SCARB1: variants seen among roughly 807,000 people sequenced by gnomAD.
SCARB1 encodes scavenger receptor class B member 1, also known as CD36 and LIMPII analogous 1.
In SCARB1, 30 loss-of-function variants were observed where a neutral mutation model predicts 57.2. That is an observed-to-expected ratio of 0.52 (90% CI 0.39 to 0.71). The LOEUF (loss-of-function observed/expected upper bound fraction) is 0.71. Among genes scored for constraint, SCARB1 ranks in the 30% least tolerant of loss-of-function variants. SCARB1 has a pLI of 0.00. For missense variants in SCARB1, 543 were observed against 671.2 expected, an observed-to-expected ratio of 0.81 and a Z score of 2.11; for synonymous variants, 249 against 268.3, an observed-to-expected ratio of 0.93 and a Z score of 0.70.
intron 7 of SCARB1, among the ~76,000 whole-genome samples, chr12:124,804,113 A>C (rs1440244258): frequency 6.6e-6 from 1 of 152,134 alleles, no homozygotes; most frequent in Non-Finnish European, 1.5e-5. Flanking sequence ...CGGCCCACCC[A>C]GGAGCCATCT....
chr12:124,823,113 C>G (rs780648788), intron 1 of SCARB1, among the ~76,000 whole-genome samples: 4 of 152,080 alleles, frequency 2.6e-5, no homozygotes, highest in Non-Finnish European at 5.9e-5. Flanking sequence ...GAAACCAGAA[C>G]AGGGGTCACC....
At position 124,787,593 on chromosome 12, in the gene SCARB1, A is replaced by G. The variant is rs138499966; in HGVS notation, c.1203-136T>C. ...AAACCCTCACCACCAAATATAAACA[A>G]TGAGCTGAAACACTTTAGGAGCCAT... On this transcript the variant is annotated intron_variant, in intron 9 of 12. Coordinates refer to ENST00000261693, the MANE Select transcript of SCARB1 (RefSeq NM_005505.5). 531 of 726,784 alleles carry G rather than the reference A, an allele frequency of 7.3e-4. 2 individuals are homozygous for G. In the African/African-American group the frequency reaches 8.2e-3, roughly 11 times the overall value. The allele number at this position is 726,784 out of a possible 1,614,324, so 45.0% of individuals were successfully genotyped here. A position where few individuals can be genotyped will look rare whatever the true frequency, so the allele number is the denominator to read the frequency against.
rs763602850 is a variant in SCARB1 at position 124,800,680 on chromosome 12, G to T, written c.1010-438C>A. ...GGGAGTCTCAAGCGCAAGCCAAGCA[G>T]CCCACACTGTCCCCTGCAGGACACG... On this transcript the variant is annotated intron_variant, in intron 7 of 12. Coordinates refer to ENST00000261693, the MANE Select transcript of SCARB1 (RefSeq NM_005505.5). This position sits in a 1 kb window ranked among gnomAD's most constrained non-coding sequence, Gnocchi z 4.8. Among the ~76,000 whole-genome samples the T allele has an allele frequency of 6.6e-6, 1 of 152,156 alleles. No individual in the cohort carries two copies. The highest frequency in any genetic ancestry group is 1.5e-5 in the Non-Finnish European group (1 of 68,016).
At chr12:124,843,295 G>GT (rs1951986684) in intron 1 of SCARB1, among the ~76,000 whole-genome samples, 1 of 123,394 alleles carries the variant, frequency 8.1e-6, no homozygotes, top group Admixed American at 8.0e-5. Flanking sequence ...GGAGATGGGG[G>GT]GGGGGGTCTT....
rs200238719 is a variant in SCARB1 at position 124,802,995 on chromosome 12, A to T, written c.1010-2753T>A. The stretch of plus-strand genomic sequence containing the variant: ...TGCCTAGGAGCAATGGAAGGAGAAG[A>T]TGGAGGTGGCACCCACGATGGAACA... On this transcript the variant is annotated intron_variant, in intron 7 of 12. Transcript: ENST00000261693. Among the ~76,000 whole-genome samples, 12 of 152,318 alleles carry T rather than the reference A, an allele frequency of 7.9e-5. 1 individual carries two copies. In the East Asian group the frequency reaches 2.1e-3, roughly 27 times the overall value.
At chr12:124,855,810 A>T (rs1952599641) in intron 1 of SCARB1, among the ~76,000 whole-genome samples, 1 of 152,168 alleles carries the variant, frequency 6.6e-6, no homozygotes, top group Non-Finnish European at 1.5e-5. Flanking sequence ...TGCTGACCAC[A>T]GACATGGAAT....
chr12:124,844,481 T>C (rs950893830), intron 1 of SCARB1, among the ~76,000 whole-genome samples: 1 of 152,162 alleles, frequency 6.6e-6, no homozygotes, highest in South Asian at 2.1e-4. Flanking sequence ...AAAATTCCCA[T>C]GTTGCAGCCC....
chr12:124,818,255 G>A (rs1038416187), intron 1 of SCARB1, among the ~76,000 whole-genome samples: 3 of 152,196 alleles, frequency 2.0e-5, no homozygotes, highest in Non-Finnish European at 4.4e-5. Context: ...CGCATGCCAC[G>A]TGACAGAGCA....
chr12:124,853,155 A>G (rs573923377), intron 1 of SCARB1, among the ~76,000 whole-genome samples: 1 of 152,182 alleles, frequency 6.6e-6, no homozygotes. Flanking sequence ...GGAACCAAGC[A>G]TAAGAGCCAG....
At chr12:124,857,226 C>T (rs531870684) in intron 1 of SCARB1, among the ~76,000 whole-genome samples, 7 of 152,248 alleles carry the variant, frequency 4.6e-5, no homozygotes, top group South Asian at 2.1e-4. Context: ...AGTTACTTTC[C>T]GCCTCTGTGC....
At position 124,810,116 on chromosome 12, in the gene SCARB1, C is replaced by A. The variant is rs1950468095; in HGVS notation, c.842+58G>T. 2 of 1,095,726 alleles carry A rather than the reference C, an allele frequency of 1.8e-6. No individual in the cohort carries two copies. Among genetic ancestry groups the A allele is most frequent in the Admixed American group, 1.7e-5 (1 of 57,488 alleles). The allele number at this position is 1,095,726 out of a possible 1,614,324, so 67.9% of individuals were successfully genotyped here. A position where few individuals can be genotyped will look rare whatever the true frequency, so the allele number is the denominator to read the frequency against. ...CTTTCCAAGTGCACAGCCAACACCA[C>A]AGAATTTGGCCATGAGCTACCCAGG... is the stretch of plus-strand genomic sequence containing the variant. On this transcript the variant is annotated intron_variant, in intron 6 of 12. Coordinates refer to ENST00000261693, the MANE Select transcript of SCARB1 (RefSeq NM_005505.5). This position sits in a 1 kb window ranked among gnomAD's most constrained non-coding sequence, Gnocchi z 4.0.
chr12:124,785,755 T>G, intron 11 of SCARB1: 2 of 349,292 alleles, frequency 5.7e-6, no homozygotes, highest in African/African-American at 2.0e-5. Flanking sequence ...ATACTTTGCA[T>G]ATATTTGGGT....
intron 9 of SCARB1, among the ~76,000 whole-genome samples, chr12:124,791,853 G>A (rs1395097874): frequency 2.6e-5 from 4 of 152,072 alleles, no homozygotes; most frequent in Non-Finnish European, 4.4e-5. Context: ...CTACGCGGGA[G>A]GCTGAGGCAG....
chr12:124,824,719 AG>A (rs1951071005), intron 1 of SCARB1, among the ~76,000 whole-genome samples: 1 of 152,204 alleles, frequency 6.6e-6, no homozygotes, highest in Non-Finnish European at 1.5e-5. Context: ...TAATCGGGTC[AG>A]GTGTGAGCAA....
chr12:124,857,424 G>C (rs1952685909), intron 1 of SCARB1, among the ~76,000 whole-genome samples: 1 of 152,206 alleles, frequency 6.6e-6, no homozygotes. Context: ...GGGACAGCCG[G>C]TGACATCCCT....
Position 124,817,584 on chromosome 12 carries a change from G to T in SCARB1, c.250C>A (p.Pro84Thr). 1 of 1,614,208 alleles carries T rather than the reference G, an allele frequency of 6.2e-7. No individual in the cohort carries two copies. The highest frequency in any genetic ancestry group is 8.5e-7 in the Non-Finnish European group (1 of 1,180,046). ...TAGGGCCCGCGCTCCCGCACCTGCG[G>T]CTTCTCGCCCTTCAGGATCTCGCTG... ...NPSEILKGEK[P>T]QVRERGPYVY... Residue 84 changes from proline (P) to threonine (T), a missense_variant, in exon 2 of 13, where the codon CCG (proline) becomes ACG (threonine). Coordinates refer to ENST00000261693, the MANE Select transcript of SCARB1 (RefSeq NM_005505.5). This position sits in a 1 kb window ranked among gnomAD's most constrained non-coding sequence, Gnocchi z 4.8.
chr12:124,798,717 C>G (rs1950031891), intron 8 of SCARB1, among the ~76,000 whole-genome samples: 1 of 151,624 alleles, frequency 6.6e-6, no homozygotes, highest in South Asian at 2.1e-4. Context: ...GTGGTGTGTG[C>G]CTGTAATCCC....
Position 124,810,332 on chromosome 12 carries a change from G to T in SCARB1, c.727-43C>A, listed in dbSNP as rs1353484197. 1.1e-5 allele frequency: 15 copies of T among 1,413,482 alleles called. No homozygotes were observed. Among genetic ancestry groups the T allele is most frequent in the East Asian group, 2.3e-5 (1 of 43,854 alleles). The allele number at this position is 1,413,482 out of a possible 1,614,324, so 87.6% of individuals were successfully genotyped here. On this transcript the variant is annotated intron_variant, in intron 5 of 12. Coordinates refer to ENST00000261693, the MANE Select transcript of SCARB1 (RefSeq NM_005505.5). This position sits in a 1 kb window ranked among gnomAD's most constrained non-coding sequence, Gnocchi z 4.0. ...GACTAGACCCCTCAGTAGGGCCAAG[G>T]CCCCTTAATAAGCCCTCTCAGGTGC... is the stretch of plus-strand genomic sequence containing the variant.
chr12:124,861,475 A>G (rs1365576524), intron 1 of SCARB1, among the ~76,000 whole-genome samples: 1 of 133,344 alleles, frequency 7.5e-6, no homozygotes, highest in East Asian at 2.1e-4. Context: ...CAAAAAGCAC[A>G]TTAAAAAAAA....
Sources: allele counts gnomAD v4.1 joint callset (sites outside exome capture counted in the v4.1 genomes callset), GRCh38; gene constraint gnomAD v4.1.1; non-coding constraint Gnocchi (gnomAD v3.1); transcripts MANE v1.5; gene names NCBI Gene and HGNC (gene_info 2026-07-23, HGNC 2026-07-21).